Variants in UVRAG observed in about 807,000 individuals in gnomAD.
The protein encoded by UVRAG is UV radiation resistance-associated gene protein.
UVRAG carries 19 observed loss-of-function variants against 78.0 expected under a neutral mutation model. That is an observed-to-expected ratio of 0.24 (90% CI 0.17 to 0.36). The LOEUF (loss-of-function observed/expected upper bound fraction) is 0.36, where lower values mean the gene tolerates loss of function less well. Among genes scored for constraint, UVRAG ranks in the 10% least tolerant of loss-of-function variants. The pLI is 1.00. For missense variants in UVRAG, 740 were observed against 853.8 expected, an observed-to-expected ratio of 0.87 and a Z score of 1.66; for synonymous variants, 323 against 324.6, an observed-to-expected ratio of 1.00 and a Z score of 0.05.
chr11:76,135,271 C>T (rs1591273597), intron 14 of UVRAG, among the ~76,000 whole-genome samples: 1 of 152,184 alleles, frequency 6.6e-6, no homozygotes. Context: ...GGTCTTTGAA[C>T]AGTCCTTCTT....
chr11:76,087,393 T>C (rs1455982381), intron 13 of UVRAG, among the ~76,000 whole-genome samples: 2 of 152,232 alleles, frequency 1.3e-5, no homozygotes, highest in Non-Finnish European at 2.9e-5. Flanking sequence ...TAATTAGGAC[T>C]CTGCACGCTT....
chr11:76,045,807 A>G (rs1379480332), intron 12 of UVRAG, among the ~76,000 whole-genome samples: 2 of 152,120 alleles, frequency 1.3e-5, no homozygotes, highest in Non-Finnish European at 2.9e-5. Context: ...CAGTGAGTAC[A>G]AAAAAGAAAC....
At chr11:75,917,544 C>G (rs915596162) in intron 6 of UVRAG, among the ~76,000 whole-genome samples, 1 of 152,158 alleles carries the variant, frequency 6.6e-6, no homozygotes, top group Non-Finnish European at 1.5e-5. Flanking sequence ...CATGTTAATA[C>G]CTCTTCAATC....
chr11:76,001,237 C>T (rs1431679871), intron 8 of UVRAG, among the ~76,000 whole-genome samples: 1 of 151,972 alleles, frequency 6.6e-6, no homozygotes, highest in African/African-American at 2.4e-5. Context: ...ATATCATAAA[C>T]CACGGGTCAA....
intron 12 of UVRAG, among the ~76,000 whole-genome samples, chr11:76,035,230 T>C (rs1950511566): frequency 6.6e-6 from 1 of 152,208 alleles, no homozygotes; most frequent in Non-Finnish European, 1.5e-5. Context: ...TGCTGAGTCA[T>C]GTTCTGTGTG....
intron 12 of UVRAG, among the ~76,000 whole-genome samples, chr11:76,040,850 T>G (rs1950635920): frequency 6.6e-6 from 1 of 152,094 alleles, no homozygotes; most frequent in Non-Finnish European, 1.5e-5. Context: ...CCACCGGGCC[T>G]GGCCAACACA....
intron 6 of UVRAG, among the ~76,000 whole-genome samples, chr11:75,918,210 CA>C (rs67178910): frequency 0.018 from 1,001 of 55,554 alleles, 9 homozygotes; most frequent in African/African-American, 0.034. Context: ...ACTAAAAATA[CA>C]AAAAAAAAAA....
intron 5 of UVRAG, among the ~76,000 whole-genome samples, chr11:75,910,139 C>G (rs1486733885): frequency 1.3e-5 from 2 of 152,148 alleles, no homozygotes; most frequent in African/African-American, 4.8e-5. Context: ...TTTCAAGGAA[C>G]TTGTCTAATT....
At chr11:75,906,858 T>A (rs75994919) in intron 5 of UVRAG, among the ~76,000 whole-genome samples, 2 of 152,370 alleles carry the variant, frequency 1.3e-5, no homozygotes, top group Non-Finnish European at 2.9e-5. Context: ...TTCTGGATTC[T>A]CAGTTCTATT....
At chr11:76,015,637 A>G (rs1331828957) in intron 11 of UVRAG, among the ~76,000 whole-genome samples, 1 of 152,188 alleles carries the variant, frequency 6.6e-6, no homozygotes, top group Non-Finnish European at 1.5e-5. Flanking sequence ...TATTTTTATA[A>G]GACTACCAAA....
intron 13 of UVRAG, among the ~76,000 whole-genome samples, chr11:76,115,714 A>G (rs935085934): frequency 1.8e-4 from 27 of 152,128 alleles, no homozygotes; most frequent in African/African-American, 6.5e-4. Context: ...CTTAAATACC[A>G]TCGTAATTTA....
chr11:75,966,417 C>T (rs1420311291), intron 7 of UVRAG, among the ~76,000 whole-genome samples: 1 of 152,082 alleles, frequency 6.6e-6, no homozygotes, highest in African/African-American at 2.4e-5. Context: ...GGGCAGTGTT[C>T]TTTTTTTCCT....
At position 75,815,471 on chromosome 11, in the gene UVRAG, C is replaced by T; in HGVS notation, c.64C>T (p.Leu22=). The stretch of plus-strand genomic sequence containing the variant: ...GCCACCCCCGGGCCCGGCCGCTGCT[C>T]TGCCTCCCGGTTCTGCCGCGCGGGC... ...PQPPPGPAAA[L]PPGSAARALH... The change falls in exon 1 of 15, where the codon CTG becomes TTG. Residue 22 remains leucine, a synonymous_variant. Coordinates refer to ENST00000356136, the MANE Select transcript of UVRAG (RefSeq NM_003369.4). The T allele has an allele frequency of 1.6e-6, 2 of 1,246,966 alleles. No individual in the cohort carries two copies. The highest frequency in any genetic ancestry group is 2.0e-6 in the Non-Finnish European group (2 of 995,220). The allele number at this position is 1,246,966 out of a possible 1,614,324, so 77.2% of individuals were successfully genotyped here.
intron 1 of UVRAG, among the ~76,000 whole-genome samples, chr11:75,842,316 G>A (rs1410691703): frequency 3.3e-5 from 5 of 152,128 alleles, no homozygotes; most frequent in Admixed American, 2.6e-4. Context: ...AACTGCAGTC[G>A]GTCACAAGGT....
intron 6 of UVRAG, among the ~76,000 whole-genome samples, chr11:75,951,923 T>A (rs2135170956): frequency 6.6e-6 from 1 of 152,334 alleles, no homozygotes; most frequent in African/African-American, 2.4e-5. Context: ...TGGCTCTAGA[T>A]CAATTTAGGG....
Position 76,129,936 on chromosome 11 carries a change from C to CTCTCTCTCTCTCGCTT in UVRAG, c.1398-10762_1398-10747dup, listed in dbSNP as rs1384230377. ...ACTCACTCTCACACTCTCTCTCGCT[C>CTCTCTCTCTCTCGCTT]TCTCTCTCTCTCGCTTTCTCTCTCT... On this transcript the variant is annotated intron_variant, in intron 14 of 14. Coordinates refer to ENST00000356136, the MANE Select transcript of UVRAG (RefSeq NM_003369.4). Among the ~76,000 whole-genome samples the CTCTCTCTCTCTCGCTT allele has an allele frequency of 2.7e-5, 4 of 147,776 alleles. No homozygotes were observed. In the East Asian group the frequency reaches 5.8e-4, roughly 21 times the overall value.
At chr11:75,843,228 G>T (rs550490175) in intron 1 of UVRAG, among the ~76,000 whole-genome samples, 1 of 152,296 alleles carries the variant, frequency 6.6e-6, no homozygotes, top group African/African-American at 2.4e-5. Flanking sequence ...GGTTTTTTAA[G>T]ACTTGCTTTC....
At chr11:75,898,902 G>C (rs558732056) in intron 5 of UVRAG, among the ~76,000 whole-genome samples, 12 of 152,200 alleles carry the variant, frequency 7.9e-5, no homozygotes, top group African/African-American at 2.6e-4. Context: ...ATACTAACTT[G>C]TTTCCAAAGC....
rs398045280 is a variant in UVRAG at position 76,003,257 on chromosome 11, A to ATTTTT, written c.827-721_827-717dup. ...CACTATGATTTTCACGAAAATACTG[A>ATTTTT]TTTTTTTTTTTTTTTTTTTTTTTTT... On this transcript the variant is annotated intron_variant, in intron 8 of 14. Coordinates refer to ENST00000356136, the MANE Select transcript of UVRAG (RefSeq NM_003369.4). Among the ~76,000 whole-genome samples the ATTTTT allele has an allele frequency of 2.0e-3, 106 of 53,788 alleles. 8 individuals are homozygous for ATTTTT. The highest frequency in any genetic ancestry group is 8.1e-3 in the African/African-American group (104 of 12,902). 35.3% of individuals were successfully genotyped at this position (53,788 alleles called of 152,430 possible). A position where few individuals can be genotyped will look rare whatever the true frequency, so the allele number is the denominator to read the frequency against.
Sources: allele counts gnomAD v4.1 joint callset (sites outside exome capture counted in the v4.1 genomes callset), GRCh38; gene constraint gnomAD v4.1.1; transcripts MANE v1.5; gene names NCBI Gene and HGNC (gene_info 2026-07-23, HGNC 2026-07-21).